Variants in NEDD9 observed in about 807,000 individuals in gnomAD.
The protein encoded by NEDD9 is enhancer of filamentation 1.
NEDD9 carries 26 observed loss-of-function variants against 76.6 expected under a neutral mutation model. The ratio of observed to expected loss-of-function variants is 0.34; its 90% CI spans 0.25 to 0.47. NEDD9 has a LOEUF of 0.47. Among genes scored for constraint, NEDD9 ranks in the 20% least tolerant of loss-of-function variants. The pLI is 1.00. For synonymous variants in NEDD9, 392 were observed against 414.2 expected, an observed-to-expected ratio of 0.95 and a Z score of 0.65; for missense variants, 937 against 1,058.5, an observed-to-expected ratio of 0.89 and a Z score of 1.59.
intron 1 of NEDD9, among the ~76,000 whole-genome samples, chr6:11,218,799 G>A (rs963216546): frequency 3.3e-5 from 5 of 152,166 alleles, no homozygotes; most frequent in African/African-American, 1.2e-4. Flanking sequence ...AAGCCTCACA[G>A]CCAGAGACTA....
intron 1 of NEDD9, among the ~76,000 whole-genome samples, chr6:11,353,815 T>C (rs1179383464): frequency 6.6e-6 from 1 of 152,172 alleles, no homozygotes; most frequent in East Asian, 1.9e-4. Context: ...GGGCAGGTGA[T>C]TAAGAAGAAA....
Position 11,223,449 on chromosome 6 carries a change from A to C in NEDD9, c.12+9055T>G, listed in dbSNP as rs1464643544. ...GAGCTCATGAAATTGTGTCTTAAGA[A>C]CTGTACTCCTCCCCTTGGAAAAAAA... is the stretch of plus-strand genomic sequence containing the variant. On this transcript the variant is annotated intron_variant, in intron 1 of 6. Transcript: ENST00000379446. Among the ~76,000 whole-genome samples the C allele has an allele frequency of 4.0e-5, 6 of 151,800 alleles. No individual in the cohort carries two copies. The East Asian group carries it at 1.2e-3, about 29-fold the overall frequency.
chr6:11,348,778 A>T (rs1762409818), intron 1 of NEDD9, among the ~76,000 whole-genome samples: 1 of 152,224 alleles, frequency 6.6e-6, no homozygotes, highest in Non-Finnish European at 1.5e-5. Flanking sequence ...TCAACTCAAG[A>T]TGGACTGAAG....
chr6:11,244,050 T>C (rs1489496112), intron 3 of NEDD9, among the ~76,000 whole-genome samples: 1 of 152,168 alleles, frequency 6.6e-6, no homozygotes, highest in Non-Finnish European at 1.5e-5. Context: ...CCCTCCACCA[T>C]GTGGGTGGGC....
At chr6:11,227,000 T>G (rs72827146) in intron 1 of NEDD9, among the ~76,000 whole-genome samples, 11,555 of 152,262 alleles carry the variant, frequency 0.076, 857 homozygotes, top group African/African-American at 0.2. Context: ...TGTTGTTGTT[T>G]TTTTACTATG....
chr6:11,193,564 C>G, intron 3 of NEDD9, 27 bp downstream of exon 3: 1 of 1,562,862 alleles, frequency 6.4e-7, no homozygotes, highest in Non-Finnish European at 8.8e-7. Flanking sequence ...AGCGCTTCTC[C>G]TCTTGTGACC....
At position 11,213,599 on chromosome 6, in the gene NEDD9, T is replaced by C. The variant is rs3734404; in HGVS notation, c.141A>G (p.Ser47=). 0.41 allele frequency: 669,264 copies of C among 1,613,794 alleles called. 141,560 individuals carry two copies. Among genetic ancestry groups the C allele is most frequent in the African/African-American group, 0.57 (42,921 of 74,928 alleles). ...GGACAATGCCTTGCCGACCGTGTAA[T>C]GAGCACAGCCACCATCCTTCCAGTC... ...TGGLEGWWLC[S]LHGRQGIVPG... is the part of the protein sequence containing the mutation. The change falls in exon 2 of 7, where the codon TCA becomes TCG. Residue 47 remains serine, a synonymous_variant. Coordinates refer to ENST00000379446, the MANE Select transcript of NEDD9 (RefSeq NM_006403.4). The surrounding 1 kb of genome is among the most constrained non-coding windows in gnomAD (Gnocchi z 5.4).
intron 2 of NEDD9, among the ~76,000 whole-genome samples, chr6:11,314,990 T>C (rs1296372049): frequency 6.6e-6 from 1 of 152,238 alleles, no homozygotes; most frequent in Non-Finnish European, 1.5e-5. Context: ...TCTGGTTAGC[T>C]TGTCGCCAAA....
At chr6:11,325,921 G>A (rs1030397327) in intron 2 of NEDD9, among the ~76,000 whole-genome samples, 6 of 152,094 alleles carry the variant, frequency 3.9e-5, no homozygotes, top group Admixed American at 6.5e-5. Flanking sequence ...CGAGGCGGGC[G>A]GATCACCTGA....
At chr6:11,346,475 A>AG (rs1262570352) in intron 1 of NEDD9, among the ~76,000 whole-genome samples, 1 of 103,194 alleles carries the variant, frequency 9.7e-6, no homozygotes, top group East Asian at 5.3e-4. Context: ...GAAGGCTCGG[A>AG]GGCCCCCCCC....
chr6:11,318,319 C>A (rs1387393222), intron 2 of NEDD9, among the ~76,000 whole-genome samples: 1 of 151,684 alleles, frequency 6.6e-6, no homozygotes, highest in Non-Finnish European at 1.5e-5. Context: ...AGTAATGCAG[C>A]ACAAAATGGA....
At position 11,191,158 on chromosome 6, in the gene NEDD9, C is replaced by G. The variant is rs1208559012; in HGVS notation, c.711G>C (p.Arg237Ser). The G allele has an allele frequency of 6.2e-7, 1 of 1,613,140 alleles. No homozygotes were observed. Among genetic ancestry groups the G allele is most frequent in the Admixed American group, 1.7e-5 (1 of 59,896 alleles). ...GAGGGGGGAAGTCATAGTCTTTTTC[C>G]CTAAGCCCTGCTTCATCCCGGCAAG... ...PSACRDEAGL[R>S]EKDYDFPPPM... Residue 237 changes from arginine to serine, a missense_variant, in exon 5 of 7, where the codon AGG becomes AGC. Arg to Ser is a moderately radical substitution (Grantham distance 110). Transcript: ENST00000379446.
rs376528776 is a variant in NEDD9 at position 11,307,340 on chromosome 6, G to A, written c.-152-1185C>T. Among the ~76,000 whole-genome samples the A allele has an allele frequency of 2.3e-4, 35 of 152,264 alleles. No individual in the cohort carries two copies. In the East Asian group the frequency reaches 3.9e-3, roughly 17 times the overall value. ...AGTATTTATAGTCTTGGCTAAGAGGGGGGAAAAAGGAATTTTCCTCTGAGG... is the reference window on the plus strand; with the variant it reads ...AGTATTTATAGTCTTGGCTAAGAGGAGGGAAAAAGGAATTTTCCTCTGAGG... On this transcript the variant is annotated intron_variant, in intron 2 of 3. Coordinates refer to the NEDD9 transcript ENST00000397378.
intron 2 of NEDD9, among the ~76,000 whole-genome samples, chr6:11,319,792 A>G (rs1003485689): frequency 6.6e-6 from 1 of 151,548 alleles, no homozygotes; most frequent in African/African-American, 2.4e-5. Context: ...ACTAACATGC[A>G]CACTCACACA....
chr6:11,200,152 G>T, intron 2 of NEDD9: 1 of 237,550 alleles, frequency 4.2e-6, no homozygotes, highest in Non-Finnish European at 8.9e-6. Context: ...GCTTCTTTGG[G>T]TAAGGGGGAA....
At chr6:11,224,362 G>T (rs572733633) in intron 1 of NEDD9, among the ~76,000 whole-genome samples, 2 of 152,162 alleles carry the variant, frequency 1.3e-5, no homozygotes, top group Non-Finnish European at 1.5e-5. Flanking sequence ...GTCGGGCTGC[G>T]TTCATTTCTG....
chr6:11,287,757 G>T (rs2327392), intron 3 of NEDD9, among the ~76,000 whole-genome samples: 53,389 of 151,858 alleles, frequency 0.35, 10,488 homozygotes, highest in African/African-American at 0.54. Flanking sequence ...TGGAGTTTGG[G>T]GCAGAGAGTA....
chr6:11,345,339 G>A (rs1453033302), intron 1 of NEDD9, among the ~76,000 whole-genome samples: 1 of 152,194 alleles, frequency 6.6e-6, no homozygotes, highest in Non-Finnish European at 1.5e-5. Flanking sequence ...TATTTTGACA[G>A]TGTCTTGTTT....
chr6:11,214,950 T>C (rs1024444245), intron 1 of NEDD9, among the ~76,000 whole-genome samples: 4 of 152,236 alleles, frequency 2.6e-5, no homozygotes, highest in Non-Finnish European at 5.9e-5. Context: ...TCGGCTGTCA[T>C]TGTCTGAGCT....
Sources: allele counts gnomAD v4.1 joint callset (sites outside exome capture counted in the v4.1 genomes callset), GRCh38; gene constraint gnomAD v4.1.1; non-coding constraint Gnocchi (gnomAD v3.1); transcripts MANE v1.5; gene names NCBI Gene and HGNC (gene_info 2026-07-23, HGNC 2026-07-21).